The following MAMDC2 variants were observed in gnomAD, a reference collection of about 807,000 sequenced individuals.
The protein encoded by MAMDC2 is MAM domain containing 2.
Under a neutral mutation model 89.8 loss-of-function variants are expected in MAMDC2, and 57 were observed. That is an observed-to-expected ratio of 0.63 (90% CI 0.51 to 0.79). The LOEUF (loss-of-function observed/expected upper bound fraction) is 0.79, where lower values mean the gene tolerates loss of function less well. MAMDC2 is among the 30% of genes least tolerant of loss of function. The pLI is 0.00. For missense variants in MAMDC2, 800 were observed against 820.6 expected, an observed-to-expected ratio of 0.97 and a Z score of 0.31; for synonymous variants, 313 against 293.4, an observed-to-expected ratio of 1.07 and a Z score of -0.68.
chr9:70,076,454 G>C (rs1827536077), intron 2 of MAMDC2, among the ~76,000 whole-genome samples: 1 of 151,940 alleles, frequency 6.6e-6, no homozygotes, highest in Admixed American at 6.6e-5. Context: ...GGTACTTAGG[G>C]CCTCTCTTCC....
chr9:70,072,923 C>G (rs892891728), intron 2 of MAMDC2, among the ~76,000 whole-genome samples: 1 of 152,162 alleles, frequency 6.6e-6, no homozygotes, highest in African/African-American at 2.4e-5. Flanking sequence ...GCAACCTCCG[C>G]CTGCCAGGTT....
At chr9:70,115,830 A>C in intron 5 of MAMDC2, among the ~76,000 whole-genome samples, 1 of 152,160 alleles carries the variant, frequency 6.6e-6, no homozygotes, top group East Asian at 1.9e-4. Context: ...AGTTGGGTTA[A>C]CTCAAAATAA....
At chr9:70,140,673 T>C (rs771229615) in intron 8 of MAMDC2, among the ~76,000 whole-genome samples, 11 of 152,160 alleles carry the variant, frequency 7.2e-5, no homozygotes, top group Non-Finnish European at 1.5e-4. Flanking sequence ...TGTTTAAGTA[T>C]GGGGTTGCCT....
intron 11 of MAMDC2, among the ~76,000 whole-genome samples, chr9:70,209,281 G>C (rs984801911): frequency 3.9e-5 from 6 of 152,140 alleles, no homozygotes; most frequent in African/African-American, 9.7e-5. Context: ...TGGTTGGTAG[G>C]CTATTAATTA....
intron 9 of MAMDC2, among the ~76,000 whole-genome samples, chr9:70,167,182 A>C (rs1375386709): frequency 6.6e-6 from 1 of 152,184 alleles, no homozygotes; most frequent in Non-Finnish European, 1.5e-5. Flanking sequence ...ATATATACAG[A>C]GTTATACATT....
intron 11 of MAMDC2, among the ~76,000 whole-genome samples, chr9:70,175,126 T>C (rs1349076691): frequency 6.6e-6 from 1 of 152,200 alleles, no homozygotes; most frequent in Non-Finnish European, 1.5e-5. Context: ...TTGCTCTGGC[T>C]ACTGTGTTGA....
intron 11 of MAMDC2, among the ~76,000 whole-genome samples, chr9:70,215,169 T>C (rs1272077042): frequency 6.6e-6 from 1 of 151,966 alleles, no homozygotes; most frequent in Non-Finnish European, 1.5e-5. Flanking sequence ...GAGTCACCAG[T>C]GAGGAAGGAG....
chr9:70,218,476 G>A lies in MAMDC2; in HGVS notation c.1791G>A (p.Leu597=). 6.2e-7 allele frequency: 1 copy of A among 1,614,196 alleles called. No individual in the cohort carries two copies. The highest frequency in any genetic ancestry group is 8.5e-7 in the Non-Finnish European group (1 of 1,180,026). ...TGTATGGAGGGGGCACTGGCCTGCT[G>A]AGTGTTTATCTGAAAAAGGAAGAAG... is the stretch of plus-strand genomic sequence containing the variant. ...YHMYGGGTGL[L]SVYLKKEEDS... The change falls in exon 12 of 14, where the codon CTG becomes CTA. Residue 597 remains leucine (L), a synonymous_variant. Transcript: ENST00000377182.
intron 12 of MAMDC2, among the ~76,000 whole-genome samples, chr9:70,222,966 C>CTG (rs2033591939): frequency 6.6e-6 from 1 of 151,930 alleles, no homozygotes; most frequent in Non-Finnish European, 1.5e-5. Flanking sequence ...TGGCAAAACC[C>CTG]TGTCTCCTCT....
At position 70,109,338 on chromosome 9, in the gene MAMDC2, T is replaced by C. The variant is rs1305718119; in HGVS notation, c.421-382T>C. On this transcript the variant is annotated intron_variant, in intron 3 of 13. Coordinates refer to ENST00000377182, the MANE Select transcript of MAMDC2 (RefSeq NM_153267.5). ...TAAATCTGCCAGCATAGTTGCAGAATATAGGGCTAAAACCACAGGAGAAAA... is the reference window on the plus strand; with the variant it reads ...TAAATCTGCCAGCATAGTTGCAGAACATAGGGCTAAAACCACAGGAGAAAA... 3 of 183,246 alleles carry C rather than the reference T, an allele frequency of 1.6e-5. No individual in the cohort carries two copies. In the Admixed American group the frequency reaches 1.8e-4, roughly 11 times the overall value. 11.4% of individuals were successfully genotyped at this position (183,246 alleles called of 1,614,324 possible). A position where few individuals can be genotyped will look rare whatever the true frequency, so the allele number is the denominator to read the frequency against.
At chr9:70,082,372 A>G (rs1197944099) in intron 2 of MAMDC2, among the ~76,000 whole-genome samples, 1 of 152,192 alleles carries the variant, frequency 6.6e-6, no homozygotes, top group African/African-American at 2.4e-5. Flanking sequence ...TGTTCTGGAA[A>G]TGTCAAATTC....
At chr9:70,055,655 C>T (rs181189967) in intron 2 of MAMDC2, among the ~76,000 whole-genome samples, 1 of 152,152 alleles carries the variant, frequency 6.6e-6, no homozygotes, top group African/African-American at 2.4e-5. Flanking sequence ...AGTGGTGAGC[C>T]TTTGGAAGGC....
chr9:70,146,081 C>A (rs183358307), intron 9 of MAMDC2, among the ~76,000 whole-genome samples: 5 of 152,314 alleles, frequency 3.3e-5, no homozygotes, highest in Non-Finnish European at 7.3e-5. Flanking sequence ...CTCCCCCGAC[C>A]CTACTTTATC....
At chr9:70,186,429 G>A (rs1004457338) in intron 11 of MAMDC2, among the ~76,000 whole-genome samples, 3 of 152,084 alleles carry the variant, frequency 2.0e-5, no homozygotes, top group African/African-American at 7.2e-5. Context: ...TAGAATTCTA[G>A]GTGAACAATT....
intron 2 of MAMDC2, among the ~76,000 whole-genome samples, chr9:70,085,053 G>C (rs1563946419): frequency 6.6e-6 from 1 of 152,088 alleles, no homozygotes; most frequent in South Asian, 2.1e-4. Context: ...ACCCAAAATA[G>C]ACAATAAGAA....
At chr9:70,079,932 G>A (rs1827616972) in intron 2 of MAMDC2, among the ~76,000 whole-genome samples, 1 of 152,158 alleles carries the variant, frequency 6.6e-6, no homozygotes, top group African/African-American at 2.4e-5. Flanking sequence ...TGCAAACAGA[G>A]CTTCTTGGTG....
At chr9:70,182,445 T>C (rs1438432848) in intron 11 of MAMDC2, among the ~76,000 whole-genome samples, 1 of 152,220 alleles carries the variant, frequency 6.6e-6, no homozygotes, top group Admixed American at 6.5e-5. Flanking sequence ...AGCTCCTCTT[T>C]GTACCTCTGG....
At chr9:70,046,180 C>T (rs1826746796) in intron 2 of MAMDC2, among the ~76,000 whole-genome samples, 1 of 152,166 alleles carries the variant, frequency 6.6e-6, no homozygotes, top group Non-Finnish European at 1.5e-5. Flanking sequence ...TTGCTGGGCC[C>T]CACTTCCTGA....
At chr9:70,159,407 T>C (rs77836776) in intron 9 of MAMDC2, among the ~76,000 whole-genome samples, 10,478 of 152,232 alleles carry the variant, frequency 0.069, 574 homozygotes, top group East Asian at 0.22. Flanking sequence ...GTAAGAGTTA[T>C]GTAAGCTTTA....
Sources: allele counts gnomAD v4.1 joint callset (sites outside exome capture counted in the v4.1 genomes callset), GRCh38; gene constraint gnomAD v4.1.1; transcripts MANE v1.5; gene names NCBI Gene and HGNC (gene_info 2026-07-23, HGNC 2026-07-21).